Variants in LRBA observed in about 807,000 individuals in gnomAD.
The protein encoded by LRBA is LPS responsive beige-like anchor protein, also known as lipopolysaccharide-responsive and beige-like anchor protein.
LRBA carries 176 observed loss-of-function variants against 330.0 expected under a neutral mutation model. The observed-to-expected ratio is 0.53, with a 90% CI of 0.47 to 0.60. The LOEUF (loss-of-function observed/expected upper bound fraction) is 0.60, where lower values mean the gene tolerates loss of function less well. LRBA is among the 20% of genes least tolerant of loss of function. LRBA has a pLI of 0.00. For missense variants in LRBA, 3,259 were observed against 3,444.8 expected (o/e 0.95, Z 1.35); for synonymous variants, 1,230 against 1,193.0 (o/e 1.03, Z -0.64).
At position 150,469,977 on chromosome 4, in the gene LRBA, G is replaced by A. The variant is rs980889849; in HGVS notation, c.6667+1647C>T. On this transcript the variant is annotated intron_variant, in intron 43 of 56. Coordinates refer to ENST00000651943, the MANE Select transcript of LRBA (RefSeq NM_001364905.1). ...GCGGGCAGATAACCTGAGGTCAGGA[G>A]TTCAAGACCAGCCTGGCCAACATGG... Among the ~76,000 whole-genome samples the A allele has an allele frequency of 2.6e-5, 4 of 152,144 alleles. No individual in the cohort carries two copies. In the South Asian group the frequency reaches 8.3e-4, roughly 31 times the overall value.
chr4:150,554,691 T>C (rs778618051), intron 40 of LRBA, among the ~76,000 whole-genome samples: 17 of 152,106 alleles, frequency 1.1e-4, no homozygotes, highest in Non-Finnish European at 2.1e-4. Flanking sequence ...AAAGGGCTTT[T>C]ATAGACTCCT....
At chr4:150,417,210 C>CAT (rs900417324) in intron 46 of LRBA, among the ~76,000 whole-genome samples, 16 of 151,764 alleles carry the variant, frequency 1.1e-4, no homozygotes, top group East Asian at 5.8e-4. Flanking sequence ...ATATATCTTT[C>CAT]ATATATATAT....
At chr4:150,376,715 C>T (rs1741389304) in intron 47 of LRBA, among the ~76,000 whole-genome samples, 1 of 152,078 alleles carries the variant, frequency 6.6e-6, no homozygotes, top group South Asian at 2.1e-4. Flanking sequence ...AAGAAAACAG[C>T]AAAAGAAATC....
chr4:150,476,653 T>C (rs929138699), intron 42 of LRBA, among the ~76,000 whole-genome samples: 1 of 152,144 alleles, frequency 6.6e-6, no homozygotes, highest in African/African-American at 2.4e-5. Flanking sequence ...TGTATTAAAC[T>C]CCTTGGTTAG....
chr4:150,768,994 G>A (rs968520002), intron 34 of LRBA, among the ~76,000 whole-genome samples: 7 of 134,482 alleles, frequency 5.2e-5, no homozygotes, highest in Non-Finnish European at 9.1e-5. Context: ...CTGGAGAGCA[G>A]TGGCGCAATC....
chr4:150,823,862 T>C (rs1745833360), intron 30 of LRBA, among the ~76,000 whole-genome samples: 2 of 152,092 alleles, frequency 1.3e-5, no homozygotes, highest in African/African-American at 4.8e-5. Flanking sequence ...CATAGCTCTG[T>C]AGTATAATTT....
At chr4:150,399,055 G>C (rs1280576505) in intron 47 of LRBA, among the ~76,000 whole-genome samples, 1 of 152,100 alleles carries the variant, frequency 6.6e-6, no homozygotes, top group Non-Finnish European at 1.5e-5. Flanking sequence ...TTTAATTTTA[G>C]TAAATTCTTT....
intron 36 of LRBA, among the ~76,000 whole-genome samples, chr4:150,715,273 A>G (rs560485532): frequency 3.9e-5 from 6 of 152,170 alleles, no homozygotes; most frequent in Non-Finnish European, 7.4e-5. Flanking sequence ...CTTCTAAGAT[A>G]CTGTCAAGGT....
intron 17 of LRBA, among the ~76,000 whole-genome samples, chr4:150,873,642 A>G (rs1355072186): frequency 2.6e-5 from 4 of 152,090 alleles, no homozygotes; most frequent in Non-Finnish European, 5.9e-5. Context: ...ATTTTAGTAT[A>G]AGTAAAGTAT....
At position 150,828,442 on chromosome 4, in the gene LRBA, T is replaced by C; in HGVS notation, c.4909A>G (p.Ile1637Val). The C allele has an allele frequency of 1.2e-6, 2 of 1,614,174 alleles. No individual in the cohort carries two copies. The highest frequency in any genetic ancestry group is 1.1e-5 in the South Asian group (1 of 91,088). ...PPGVSAGPDA[I>V]SEVLSTLSLE... ...GAAAGAGTAGATAGCACCTCGCTGATTGCATCTGGGCCTGCACTGACACCA... is the reference window on the plus strand; with the variant it reads ...GAAAGAGTAGATAGCACCTCGCTGACTGCATCTGGGCCTGCACTGACACCA... Residue 1637 changes from isoleucine to valine, a missense_variant, in exon 30 of 57, where the codon ATC (isoleucine) becomes GTC (valine). Coordinates refer to ENST00000651943, the MANE Select transcript of LRBA (RefSeq NM_001364905.1).
chr4:150,491,307 T>C lies in LRBA; in HGVS notation c.6331-272A>G, dbSNP rs1758909025. Among the ~76,000 whole-genome samples the C allele has an allele frequency of 2.0e-5, 3 of 151,956 alleles. No individual in the cohort carries two copies. In the South Asian group the frequency reaches 6.2e-4, roughly 31 times the overall value. On this transcript the variant is annotated intron_variant, in intron 40 of 56. Transcript: ENST00000651943. Reference sequence around the variant, plus strand: ...ATATAATCTACTGCTTCTGAAGAAATACATATTGCATCATTTACTGATTGA... The same window carrying C: ...ATATAATCTACTGCTTCTGAAGAAACACATATTGCATCATTTACTGATTGA...
chr4:150,762,273 C>T (rs1455001656), intron 34 of LRBA, among the ~76,000 whole-genome samples: 2 of 151,732 alleles, frequency 1.3e-5, no homozygotes, highest in African/African-American at 4.8e-5. Flanking sequence ...CATAGTTCAC[C>T]ATAAAAATTG....
At chr4:150,634,681 C>G (rs1406920185) in intron 37 of LRBA, among the ~76,000 whole-genome samples, 1 of 152,126 alleles carries the variant, frequency 6.6e-6, no homozygotes. Context: ...TATAGTCTCA[C>G]CTGTTTTTCT....
chr4:150,919,044 T>C (rs964939926), intron 5 of LRBA, among the ~76,000 whole-genome samples: 2 of 152,246 alleles, frequency 1.3e-5, no homozygotes, highest in East Asian at 3.9e-4. Context: ...TAAAGTATGG[T>C]ATATCCATAC....
At chr4:150,438,372 A>G (rs1456073178) in intron 44 of LRBA, among the ~76,000 whole-genome samples, 4 of 152,022 alleles carry the variant, frequency 2.6e-5, no homozygotes, top group Non-Finnish European at 5.9e-5. Flanking sequence ...AATCCCAGCT[A>G]CTCGGGAGGC....
intron 44 of LRBA, among the ~76,000 whole-genome samples, chr4:150,463,840 T>A (rs148488686): frequency 3.2e-4 from 49 of 152,024 alleles, no homozygotes; most frequent in Admixed American, 8.5e-4. Context: ...AATAAAAATG[T>A]CCTGGAGGCT....
At chr4:150,676,518 G>A (rs1782573257) in intron 37 of LRBA, among the ~76,000 whole-genome samples, 1 of 152,100 alleles carries the variant, frequency 6.6e-6, no homozygotes, top group African/African-American at 2.4e-5. Flanking sequence ...AACAAAATTT[G>A]AAACGTCAAA....
At chr4:150,720,324 TAAAAG>T (rs1728765562) in intron 36 of LRBA, among the ~76,000 whole-genome samples, 1 of 151,498 alleles carries the variant, frequency 6.6e-6, no homozygotes, top group African/African-American at 2.4e-5. Context: ...TCTCAAGGAG[TAAAAG>T]AAAATTATTC....
chr4:150,590,706 A>C lies in LRBA; in HGVS notation c.6193+7T>G, dbSNP rs1772711605. ...AGCTGAAATATCTGCACAACCACCA[A>C]ATTTACCGGCAAGATTCTCTAAATC... On this transcript the variant is annotated splice_region_variant and intron_variant, in intron 39 of 56. Transcript: ENST00000651943. 1.2e-6 allele frequency: 2 copies of C among 1,612,806 alleles called. No individual in the cohort carries two copies. Among genetic ancestry groups the C allele is most frequent in the Non-Finnish European group, 1.7e-6 (2 of 1,179,498 alleles).
Sources: gnomAD v4.1 joint callset for allele counts (sites outside exome capture counted in the v4.1 genomes callset) on GRCh38, gnomAD v4.1.1 for gene constraint, MANE v1.5 for transcripts, NCBI Gene and HGNC (gene_info 2026-07-23, HGNC 2026-07-21) for gene names.